Variants in PPP4R4 observed in about 807,000 individuals in gnomAD.
PPP4R4 encodes the protein serine/threonine-protein phosphatase 4 regulatory subunit 4.
A neutral mutation model predicts 121.8 loss-of-function variants in PPP4R4; 70 were observed. That is an observed-to-expected ratio of 0.57 (90% CI 0.47 to 0.70). PPP4R4 has a LOEUF of 0.70. Among genes scored for constraint, PPP4R4 ranks in the 30% least tolerant of loss-of-function variants. The pLI is 0.00. For missense variants in PPP4R4, 875 were observed against 1,033.6 expected (o/e 0.85, Z 2.10); for synonymous variants, 348 against 355.7 (o/e 0.98, Z 0.24).
chr14:94,246,990 T>C (rs755724105), intron 14 of PPP4R4, among the ~76,000 whole-genome samples: 6 of 152,154 alleles, frequency 3.9e-5, no homozygotes, highest in Non-Finnish European at 7.3e-5. Context: ...CTACTATAAG[T>C]TTGGTTACTT....
chr14:94,227,416 AAT>A, intron 3 of PPP4R4: 1 of 1,595,774 alleles, frequency 6.3e-7, no homozygotes, highest in Non-Finnish European at 8.5e-7. Flanking sequence ...GTTTCAGAAA[AAT>A]ATGTTTAGAA....
intron 8 of PPP4R4, 103 bp downstream of exon 8, chr14:94,237,789 G>A (rs1221107791): frequency 1.4e-6 from 2 of 1,380,028 alleles, no homozygotes; most frequent in African/African-American, 2.9e-5. Flanking sequence ...CCTATGTTAA[G>A]CCTCCCTTCC....
intron 2 of PPP4R4, among the ~76,000 whole-genome samples, chr14:94,177,975 T>C (rs1888769166): frequency 6.6e-6 from 1 of 152,244 alleles, no homozygotes; most frequent in Non-Finnish European, 1.5e-5. Flanking sequence ...GGTTTGGTTA[T>C]GTATGGATTC....
At chr14:94,188,235 C>T (rs776012402) in intron 2 of PPP4R4, among the ~76,000 whole-genome samples, 10 of 151,796 alleles carry the variant, frequency 6.6e-5, no homozygotes, top group South Asian at 2.1e-4. Context: ...TAGTGAAGTA[C>T]GTTGATTAAT....
intron 23 of PPP4R4, among the ~76,000 whole-genome samples, chr14:94,267,697 T>C (rs1022325536): frequency 6.6e-6 from 1 of 152,184 alleles, no homozygotes; most frequent in African/African-American, 2.4e-5. Context: ...AAATGTGTGT[T>C]TTTAACTTTA....
In PPP4R4 at chr14:94,240,784, A is replaced by G; in HGVS notation, c.965A>G (p.His322Arg). ...TCTTTCCATTTAGGAAAACTATGTCATGGACTATATGGTATGATATATCCT... is the reference window on the plus strand; with the variant it reads ...TCTTTCCATTTAGGAAAACTATGTCGTGGACTATATGGTATGATATATCCT... ...SLSFHLGKLC[H>R]GLYGIFTPDQ... Residue 322 changes from histidine (H) to arginine (R), a missense_variant, in exon 9 of 25, where the codon CAT becomes CGT. By Grantham distance (29) the His-to-Arg change is conservative. Coordinates refer to ENST00000304338, the MANE Select transcript of PPP4R4 (RefSeq NM_058237.2). 2 of 1,594,786 alleles carry G rather than the reference A, an allele frequency of 1.3e-6. No homozygotes were observed. Among genetic ancestry groups the G allele is most frequent in the South Asian group, 1.1e-5 (1 of 87,694 alleles).
In PPP4R4 at chr14:94,232,783, G is replaced by C. The variant is rs553789434; in HGVS notation, c.517-870G>C. On this transcript the variant is annotated intron_variant, in intron 5 of 24. Transcript: ENST00000304338. ...TAGAAATAGCGAGATTATGGGCTGG[G>C]CGCGGTGGCTCACACCTGTAATCCC... Among the ~76,000 whole-genome samples, 6 of 152,214 alleles carry C rather than the reference G, an allele frequency of 3.9e-5. No individual in the cohort carries two copies. In the South Asian group the frequency reaches 1.2e-3, roughly 32 times the overall value.
chr14:94,215,586 T>A (rs929902587), intron 3 of PPP4R4, among the ~76,000 whole-genome samples: 5 of 152,146 alleles, frequency 3.3e-5, no homozygotes, highest in Admixed American at 3.3e-4. Context: ...ATAATTCCTA[T>A]AATGTAAGGT....
At chr14:94,249,103 A>G (rs1390731527) in intron 14 of PPP4R4, among the ~76,000 whole-genome samples, 1 of 152,048 alleles carries the variant, frequency 6.6e-6, no homozygotes, top group Non-Finnish European at 1.5e-5. Flanking sequence ...GGTACAAAAT[A>G]TACATGTTTT....
At chr14:94,264,301 A>G (rs942626854) in intron 19 of PPP4R4, among the ~76,000 whole-genome samples, 2 of 151,956 alleles carry the variant, frequency 1.3e-5, no homozygotes, top group South Asian at 2.1e-4. Flanking sequence ...GGCGTGCATC[A>G]CCATGCCTGG....
intron 16 of PPP4R4, among the ~76,000 whole-genome samples, chr14:94,252,362 A>T (rs958050338): frequency 6.6e-6 from 1 of 152,188 alleles, no homozygotes; most frequent in African/African-American, 2.4e-5. Context: ...ATATTATTGA[A>T]ATCCAGTAAA....
At chr14:94,189,629 A>T (rs59551990) in intron 2 of PPP4R4, among the ~76,000 whole-genome samples, 4,696 of 152,166 alleles carry the variant, frequency 0.031, 201 homozygotes, top group African/African-American at 0.09. Flanking sequence ...TCAACTTTGG[A>T]TCATTTCTGT....
chr14:94,277,281 A>G (rs1894696115), intron 24 of PPP4R4, among the ~76,000 whole-genome samples: 1 of 152,216 alleles, frequency 6.6e-6, no homozygotes, highest in Non-Finnish European at 1.5e-5. Flanking sequence ...AGCCTGGGCA[A>G]CAAGAGTGAA....
chr14:94,248,712 T>A (rs1187390248), intron 14 of PPP4R4, among the ~76,000 whole-genome samples: 1 of 152,208 alleles, frequency 6.6e-6, no homozygotes, highest in African/African-American at 2.4e-5. Context: ...AAAATAATTT[T>A]AAAATTCCAT....
chr14:94,236,919 C>T (rs1359951852), intron 7 of PPP4R4, among the ~76,000 whole-genome samples: 1 of 152,132 alleles, frequency 6.6e-6, no homozygotes, highest in African/African-American at 2.4e-5. Context: ...AGAAAGCTAA[C>T]CACATCACAA....
intron 16 of PPP4R4, among the ~76,000 whole-genome samples, chr14:94,255,674 G>A (rs180727455): frequency 1.3e-5 from 2 of 151,420 alleles, no homozygotes; most frequent in Admixed American, 6.6e-5. Flanking sequence ...CTGGTTCAAT[G>A]TACCATCATC....
chr14:94,262,011 T>C (rs1893812896), intron 19 of PPP4R4, among the ~76,000 whole-genome samples: 1 of 151,976 alleles, frequency 6.6e-6, no homozygotes, highest in Non-Finnish European at 1.5e-5. Context: ...ATTCCCCTTT[T>C]TGTCATTTTT....
intron 23 of PPP4R4, among the ~76,000 whole-genome samples, chr14:94,268,681 G>A (rs1385997568): frequency 6.6e-6 from 1 of 152,156 alleles, no homozygotes; most frequent in Non-Finnish European, 1.5e-5. Context: ...GAAGGCAAAG[G>A]GAAAGCAAGA....
Position 94,176,085 on chromosome 14 carries a change from A to G in PPP4R4, c.149A>G (p.Asp50Gly), listed in dbSNP as rs116571884. The G allele has an allele frequency of 3.7e-6, 6 of 1,612,848 alleles. No homozygotes were observed. In the East Asian group the frequency reaches 6.7e-5, roughly 18 times the overall value. Residue 50 changes from aspartate (D) to glycine (G), a missense_variant, in exon 2 of 25, where the codon GAT (aspartate) becomes GGT (glycine). Physicochemically the swap from Asp to Gly is moderately conservative, Grantham distance 94. Transcript: ENST00000304338. Reference sequence around the variant, plus strand: ...GAAGAAATAGAAAGATTGACAGTCGATGAAGACCTCAGTGATATTGAAAGG... The same window carrying G: ...GAAGAAATAGAAAGATTGACAGTCGGTGAAGACCTCAGTGATATTGAAAGG... ...TPEEIERLTV[D>G]EDLSDIERAV... is the part of the protein sequence containing the mutation.
Sources: gnomAD v4.1 joint callset for allele counts (sites outside exome capture counted in the v4.1 genomes callset) on GRCh38, gnomAD v4.1.1 for gene constraint, MANE v1.5 for transcripts, NCBI Gene and HGNC (gene_info 2026-07-23, HGNC 2026-07-21) for gene names.